The following ADCY2 variants were observed in gnomAD, a reference collection of about 807,000 sequenced individuals.
ADCY2 encodes the protein adenylate cyclase type 2.
A neutral mutation model predicts 125.2 loss-of-function variants in ADCY2; 31 were observed. That is an observed-to-expected ratio of 0.25 (90% CI 0.19 to 0.33). ADCY2 has a LOEUF of 0.33. Among genes scored for constraint, ADCY2 ranks in the 10% least tolerant of loss-of-function variants. ADCY2 has a pLI of 1.00. For synonymous variants in ADCY2, 512 were observed against 548.4 expected, an observed-to-expected ratio of 0.93 and a Z score of 0.93; for missense variants, 904 against 1,418.2, an observed-to-expected ratio of 0.64 and a Z score of 5.82.
intron 4 of ADCY2, among the ~76,000 whole-genome samples, chr5:7,665,825 A>ATTTT (rs1318244640): frequency 1.3e-5 from 1 of 74,874 alleles, no homozygotes. Flanking sequence ...TTTTAATTTA[A>ATTTT]TTCTTTTTTT....
chr5:7,509,708 T>C, intron 2 of ADCY2, among the ~76,000 whole-genome samples: 1 of 152,348 alleles, frequency 6.6e-6, no homozygotes, highest in East Asian at 1.9e-4. Context: ...TGCTTAATAA[T>C]ATAACATTTA....
In ADCY2 at chr5:7,500,803, A is replaced by G. The variant is rs73046341; in HGVS notation, c.409-19935A>G. ...TGTGGCCCTAGAAAGTGAATGGAAA[A>G]ACATGGCACCCTGGGGAAAGGTCAC... On this transcript the variant is annotated intron_variant, in intron 2 of 24. Coordinates refer to ENST00000338316, the MANE Select transcript of ADCY2 (RefSeq NM_020546.3). 8.5e-4 allele frequency among the ~76,000 whole-genome samples: 129 copies of G among 152,146 alleles called. 2 individuals are homozygous for G. The highest frequency in any genetic ancestry group is 6.8e-3 in the Middle Eastern group (2 of 294).
At chr5:7,619,225 C>T (rs539402011) in intron 3 of ADCY2, among the ~76,000 whole-genome samples, 6 of 152,296 alleles carry the variant, frequency 3.9e-5, no homozygotes, top group South Asian at 2.1e-4. Flanking sequence ...GACTGGGTCA[C>T]GAGACAGTGT....
At position 7,720,279 on chromosome 5, in the gene ADCY2, T is replaced by A. The variant is rs138600247; in HGVS notation, c.1703+3042T>A. 3.7e-3 allele frequency among the ~76,000 whole-genome samples: 563 copies of A among 152,276 alleles called. 6 individuals carry two copies. The highest frequency in any genetic ancestry group is 0.013 in the African/African-American group (536 of 41,544). On this transcript the variant is annotated intron_variant, in intron 12 of 24. Coordinates refer to ENST00000338316, the MANE Select transcript of ADCY2 (RefSeq NM_020546.3). ...ATCTATTCCCTTCCAAATATCCAAA[T>A]CACATTTATCAATCTCCTTGTTTTC... is the stretch of plus-strand genomic sequence containing the variant.
intron 22 of ADCY2, among the ~76,000 whole-genome samples, chr5:7,816,613 A>G (rs140427857): frequency 1.4e-4 from 22 of 152,376 alleles, no homozygotes; most frequent in Admixed American, 2.6e-4. Flanking sequence ...GGTCAGCCTT[A>G]GCCCGCATGA....
At chr5:7,593,395 T>C (rs533987796) in intron 3 of ADCY2, among the ~76,000 whole-genome samples, 3 of 152,342 alleles carry the variant, frequency 2.0e-5, no homozygotes, top group South Asian at 2.1e-4. Context: ...GTTGTTGGCT[T>C]GATCCTGGCC....
chr5:7,414,550 C>T (rs1303693036), intron 1 of ADCY2, 23 bp from the exon 2 acceptor site: 1 of 1,582,390 alleles, frequency 6.3e-7, no homozygotes, highest in South Asian at 1.2e-5. Flanking sequence ...GTAACTTTTC[C>T]ATGTATTTTT....
chr5:7,720,276 A>G (rs1741717762), intron 12 of ADCY2, among the ~76,000 whole-genome samples: 1 of 152,176 alleles, frequency 6.6e-6, no homozygotes, highest in African/African-American at 2.4e-5. Flanking sequence ...CCAAATATCC[A>G]AATCACATTT....
chr5:7,601,457 CTT>C (rs555550258), intron 3 of ADCY2, among the ~76,000 whole-genome samples: 292 of 152,286 alleles, frequency 1.9e-3, no homozygotes, highest in Non-Finnish European at 3.3e-3. Flanking sequence ...AGGACGGTAA[CTT>C]TTGTACAGAC....
chr5:7,437,471 C>T (rs1005409673), intron 2 of ADCY2, among the ~76,000 whole-genome samples: 7 of 152,224 alleles, frequency 4.6e-5, no homozygotes, highest in African/African-American at 7.2e-5. Flanking sequence ...TCAGTGTCAC[C>T]GTGCACACGT....
intron 22 of ADCY2, among the ~76,000 whole-genome samples, chr5:7,806,621 GAGAC>G (rs968926854): frequency 6.6e-6 from 1 of 152,198 alleles, no homozygotes; most frequent in African/African-American, 2.4e-5. Context: ...GAGAGAGACA[GAGAC>G]AGAGAGAGAG....
rs188155632 is a variant in ADCY2 at position 7,511,692 on chromosome 5, C to T, written c.409-9046C>T. Among the ~76,000 whole-genome samples the T allele has an allele frequency of 2.0e-3, 305 of 152,102 alleles. 1 individual carries two copies. The highest frequency in any genetic ancestry group is 3.0e-3 in the Non-Finnish European group (204 of 68,006). On this transcript the variant is annotated intron_variant, in intron 2 of 24. Coordinates refer to ENST00000338316, the MANE Select transcript of ADCY2 (RefSeq NM_020546.3). ...ACAATTGAGTGGTAAGCTTGAATGA[C>T]AAGAAACAGCCAGCCAAGGAAAGAT...
At chr5:7,579,662 G>T (rs1323422735) in intron 3 of ADCY2, among the ~76,000 whole-genome samples, 1 of 152,174 alleles carries the variant, frequency 6.6e-6, no homozygotes, top group Non-Finnish European at 1.5e-5. Context: ...GTGACAGAAT[G>T]TAAGGTCTCT....
chr5:7,408,618 G>A (rs1406107463), intron 1 of ADCY2, among the ~76,000 whole-genome samples: 5 of 150,698 alleles, frequency 3.3e-5, no homozygotes, highest in Admixed American at 6.6e-5. Flanking sequence ...TCTACCCACC[G>A]CAGCCTCTCA....
intron 2 of ADCY2, among the ~76,000 whole-genome samples, chr5:7,459,946 C>T (rs753472832): frequency 6.6e-6 from 1 of 151,308 alleles, no homozygotes; most frequent in Admixed American, 6.6e-5. Flanking sequence ...GCCACCACAC[C>T]CGGCTAATTT....
chr5:7,464,604 T>C (rs931275675), intron 2 of ADCY2, among the ~76,000 whole-genome samples: 7 of 152,222 alleles, frequency 4.6e-5, no homozygotes, highest in Non-Finnish European at 7.4e-5. Flanking sequence ...TCACCTCAGC[T>C]TAGGGCATGG....
intron 3 of ADCY2, among the ~76,000 whole-genome samples, chr5:7,547,973 C>T (rs1243516627): frequency 6.6e-6 from 1 of 152,220 alleles, no homozygotes; most frequent in Non-Finnish European, 1.5e-5. Flanking sequence ...CAGCATGCTG[C>T]TCCTCCTTTA....
chr5:7,575,564 T>A (rs2126606232), intron 3 of ADCY2, among the ~76,000 whole-genome samples: 1 of 152,284 alleles, frequency 6.6e-6, no homozygotes, highest in African/African-American at 2.4e-5. Flanking sequence ...GAAAATTATC[T>A]CTTATTTTAA....
chr5:7,741,467 G>A (rs1369398531), intron 14 of ADCY2, among the ~76,000 whole-genome samples: 1 of 148,664 alleles, frequency 6.7e-6, no homozygotes, highest in Admixed American at 6.7e-5. Flanking sequence ...TTGACACATA[G>A]TGAATACTCT....
Sources: gnomAD v4.1 joint callset for allele counts (sites outside exome capture counted in the v4.1 genomes callset) on GRCh38, gnomAD v4.1.1 for gene constraint, MANE v1.5 for transcripts, NCBI Gene and HGNC (gene_info 2026-07-23, HGNC 2026-07-21) for gene names.